The following SLC25A21 variants were observed in gnomAD, a reference collection of about 807,000 sequenced individuals.
SLC25A21 encodes mitochondrial 2-oxodicarboxylate carrier.
A neutral mutation model predicts 43.8 loss-of-function variants in SLC25A21; 47 were observed. The ratio of observed to expected loss-of-function variants is 1.07; its 90% CI spans 0.85 to 1.37. The LOEUF (loss-of-function observed/expected upper bound fraction) is 1.37, where lower values mean the gene tolerates loss of function less well. Among genes scored for constraint, SLC25A21 ranks in the 40% most tolerant of loss-of-function variants. The probability of loss-of-function intolerance (pLI) is 0.00; values close to 1 mark genes in which losing one functional copy is unlikely to be tolerated. For missense variants in SLC25A21, 352 were observed against 350.2 expected (o/e 1.00, Z -0.04); for synonymous variants, 131 against 121.3 (o/e 1.08, Z -0.52).
chr14:36,866,868 G>A (rs1890227956), intron 2 of SLC25A21, among the ~76,000 whole-genome samples: 2 of 152,200 alleles, frequency 1.3e-5, no homozygotes, highest in Admixed American at 6.5e-5. Context: ...TAGTTTTTAT[G>A]TTGATTAATA....
At chr14:36,726,535 G>T (rs1426201862) in intron 5 of SLC25A21, among the ~76,000 whole-genome samples, 1 of 152,110 alleles carries the variant, frequency 6.6e-6, no homozygotes, top group Admixed American at 6.5e-5. Flanking sequence ...ATAAAATGTA[G>T]AAAACTTATC....
At chr14:36,934,207 T>A (rs1027816771) in intron 1 of SLC25A21, among the ~76,000 whole-genome samples, 5 of 152,144 alleles carry the variant, frequency 3.3e-5, no homozygotes, top group African/African-American at 1.2e-4. Flanking sequence ...TTTTAGGACT[T>A]GAGTAAAGAA....
intron 7 of SLC25A21, among the ~76,000 whole-genome samples, chr14:36,699,121 T>C (rs1883168468): frequency 6.6e-6 from 1 of 151,822 alleles, no homozygotes; most frequent in Admixed American, 6.6e-5. Context: ...GATGACCTTT[T>C]TTTTTTTTTT....
intron 4 of SLC25A21, among the ~76,000 whole-genome samples, chr14:36,732,068 T>C (rs985290588): frequency 1.3e-5 from 2 of 152,174 alleles, no homozygotes; most frequent in African/African-American, 4.8e-5. Context: ...CCTGTTACTC[T>C]ATCTCCACCA....
intron 1 of SLC25A21, among the ~76,000 whole-genome samples, chr14:37,108,968 TA>T (rs1263069435): frequency 6.6e-6 from 1 of 152,160 alleles, no homozygotes; most frequent in Non-Finnish European, 1.5e-5. Context: ...GTTACTTTCC[TA>T]CTCCTCTTTA....
intron 1 of SLC25A21, among the ~76,000 whole-genome samples, chr14:37,044,767 C>T (rs1438305646): frequency 6.6e-6 from 1 of 152,158 alleles, no homozygotes; most frequent in Non-Finnish European, 1.5e-5. Context: ...GAATATTCTC[C>T]TAACCCTGTC....
At chr14:37,075,682 C>G (rs906534510) in intron 1 of SLC25A21, among the ~76,000 whole-genome samples, 1 of 152,158 alleles carries the variant, frequency 6.6e-6, no homozygotes, top group African/African-American at 2.4e-5. Flanking sequence ...CCCAGTTTAT[C>G]TTTGTTTTCC....
intron 1 of SLC25A21, among the ~76,000 whole-genome samples, chr14:37,037,667 G>C (rs78766788): frequency 0.011 from 1,657 of 152,040 alleles, 35 homozygotes; most frequent in African/African-American, 0.038. Context: ...TGCCCTCCCT[G>C]ACACATTTCA....
At chr14:36,735,246 A>C (rs181853098) in intron 3 of SLC25A21, among the ~76,000 whole-genome samples, 1 of 152,290 alleles carries the variant, frequency 6.6e-6, no homozygotes, top group African/African-American at 2.4e-5. Flanking sequence ...GACGGGCAAC[A>C]TGGTCAGATA....
chr14:37,026,688 T>C (rs1961099855), intron 1 of SLC25A21, among the ~76,000 whole-genome samples: 1 of 152,184 alleles, frequency 6.6e-6, no homozygotes, highest in Non-Finnish European at 1.5e-5. Context: ...AAAATGCTAT[T>C]ATGTATTGTG....
intron 1 of SLC25A21, among the ~76,000 whole-genome samples, chr14:36,961,334 C>G (rs1477236083): frequency 6.6e-6 from 1 of 152,034 alleles, no homozygotes; most frequent in Non-Finnish European, 1.5e-5. Context: ...GCCTCACCCT[C>G]CCGAGTAGCT....
At chr14:36,806,407 G>A (rs1400676882) in intron 3 of SLC25A21, among the ~76,000 whole-genome samples, 1 of 152,080 alleles carries the variant, frequency 6.6e-6, no homozygotes, top group Non-Finnish European at 1.5e-5. Flanking sequence ...AATGATAAAT[G>A]TTTGAGGTGA....
chr14:36,876,723 T>C (rs2138559049), intron 1 of SLC25A21, among the ~76,000 whole-genome samples: 1 of 152,136 alleles, frequency 6.6e-6, no homozygotes, highest in East Asian at 1.9e-4. Flanking sequence ...ATGATACCAG[T>C]TCCTTATCTG....
chr14:37,120,128 G>A (rs17106359), intron 1 of SLC25A21, among the ~76,000 whole-genome samples: 18,861 of 151,804 alleles, frequency 0.12, 1,321 homozygotes, highest in South Asian at 0.28. Flanking sequence ...AATTCAAAAC[G>A]TCAAGACAGC....
chr14:37,127,051 G>C (rs1445083997), intron 1 of SLC25A21, among the ~76,000 whole-genome samples: 2 of 152,086 alleles, frequency 1.3e-5, no homozygotes, highest in Non-Finnish European at 2.9e-5. Context: ...CCCCAGCCTG[G>C]TTCTGAGAGC....
intron 3 of SLC25A21, among the ~76,000 whole-genome samples, chr14:36,796,101 G>A (rs1887659615): frequency 1.3e-5 from 2 of 152,080 alleles, no homozygotes; most frequent in African/African-American, 4.8e-5. Flanking sequence ...GTGGAAATCA[G>A]AAAAAGGGCC....
At chr14:37,079,490 T>C (rs7140991) in intron 1 of SLC25A21, among the ~76,000 whole-genome samples, 11,483 of 152,240 alleles carry the variant, frequency 0.075, 819 homozygotes, top group East Asian at 0.26. Context: ...ACTTTAACCT[T>C]GCTCCTATCC....
intron 1 of SLC25A21, among the ~76,000 whole-genome samples, chr14:36,931,677 C>G (rs752876500): frequency 1.3e-5 from 2 of 152,018 alleles, no homozygotes; most frequent in Non-Finnish European, 2.9e-5. Flanking sequence ...AAAGGAGAGA[C>G]AGAAAGCAGA....
chr14:37,152,962 C>A (rs1483758255), intron 1 of SLC25A21, among the ~76,000 whole-genome samples: 3 of 152,108 alleles, frequency 2.0e-5, no homozygotes, highest in African/African-American at 7.2e-5. Context: ...ACAGAAGAGA[C>A]AGGAAACACC....
Sources: allele counts gnomAD v4.1 joint callset (sites outside exome capture counted in the v4.1 genomes callset), GRCh38; gene constraint gnomAD v4.1.1; transcripts MANE v1.5; gene names NCBI Gene and HGNC (gene_info 2026-07-23, HGNC 2026-07-21).